Variants in BRD1 observed in about 807,000 individuals in gnomAD.
The protein encoded by BRD1 is bromodomain-containing protein 1.
BRD1 carries 24 observed loss-of-function variants against 107.7 expected under a neutral mutation model. The ratio of observed to expected loss-of-function variants is 0.22; its 90% CI spans 0.16 to 0.31. The LOEUF (loss-of-function observed/expected upper bound fraction) is 0.31. Among genes scored for constraint, BRD1 ranks in the 10% least tolerant of loss-of-function variants. BRD1 has a pLI of 1.00. For missense variants in BRD1, 1,279 were observed against 1,638.6 expected, an observed-to-expected ratio of 0.78 and a Z score of 3.79; for synonymous variants, 744 against 686.1, an observed-to-expected ratio of 1.08 and a Z score of -1.32.
At chr22:49,819,799 A>G (rs1437101486) in intron 2 of BRD1, among the ~76,000 whole-genome samples, 4 of 152,002 alleles carry the variant, frequency 2.6e-5, no homozygotes, top group Admixed American at 2.6e-4. Flanking sequence ...TAATCATAGT[A>G]TATCAAACTT....
chr22:49,809,442 G>A (rs1322992205), intron 2 of BRD1, among the ~76,000 whole-genome samples: 1 of 151,940 alleles, frequency 6.6e-6, no homozygotes, highest in East Asian at 1.9e-4. Flanking sequence ...TGGAAGGCTT[G>A]AGGCAGGAGA....
intron 8 of BRD1, among the ~76,000 whole-genome samples, chr22:49,780,422 G>A (rs188334466): frequency 3.0e-4 from 46 of 152,366 alleles, no homozygotes; most frequent in African/African-American, 7.9e-4. Context: ...GAAGACGTGG[G>A]CAGCACAGAC....
chr22:49,798,778 G>C, intron 4 of BRD1, 92 bp from the exon 5 acceptor site: 5 of 1,458,348 alleles, frequency 3.4e-6, no homozygotes, highest in Non-Finnish European at 4.5e-6. Flanking sequence ...GCCCCCACAG[G>C]CTCCTGTGCT....
rs1296665009 is a variant in BRD1 at position 49,823,574 on chromosome 22, C to T, written c.744G>A (p.Val248=). The T allele has an allele frequency of 1.2e-6, 2 of 1,603,594 alleles. No homozygotes were observed. Among genetic ancestry groups the T allele is most frequent in the Non-Finnish European group, 1.7e-6 (2 of 1,173,748 alleles). Residue 248 remains valine, a synonymous_variant, in exon 2 of 13, where the codon GTG becomes GTA. Coordinates refer to ENST00000404760, the MANE Select transcript of BRD1 (RefSeq NM_001304808.3). ...NLAVHQECYG[V]PYIPEGQWLC... ...GCCACTGGCCCTCGGGGATGTAGGG[C>T]ACCCCGTAGCACTCCTGGTGCACGG...
At chr22:49,812,102 TC>T (rs1173702842) in intron 2 of BRD1, among the ~76,000 whole-genome samples, 4 of 130,420 alleles carry the variant, frequency 3.1e-5, no homozygotes, top group African/African-American at 1.1e-4. Flanking sequence ...CACAGTCTGC[TC>T]CTTTTTTTTT....
chr22:49,774,480 G>A, intron 12 of BRD1, 64 bp from the exon 13 acceptor site: 2 of 1,520,906 alleles, frequency 1.3e-6, no homozygotes, highest in Non-Finnish European at 8.9e-7. Context: ...CAGGCTCCAT[G>A]TAATCATCTA....
At position 49,794,016 on chromosome 22, in the gene BRD1, G is replaced by A; in HGVS notation, c.2359+18C>T. 6.2e-7 allele frequency: 1 copy of A among 1,604,422 alleles called. No individual in the cohort carries two copies. On this transcript the variant is annotated intron_variant, in intron 7 of 12. Coordinates refer to ENST00000404760, the MANE Select transcript of BRD1 (RefSeq NM_001304808.3). ...GCCGTGACGGCAAGAAAGCGGGGCA[G>A]CCCTCACCGTGGCTTACCTTCCTCG...
At chr22:49,787,312 C>G (rs930495483) in intron 8 of BRD1, 78 bp downstream of exon 8, 22 of 818,976 alleles carry the variant, frequency 2.7e-5, no homozygotes, top group South Asian at 2.0e-4. Flanking sequence ...CCCCCCCCCC[C>G]GTCACACCAA....
intron 11 of BRD1, 85 bp from the exon 12 acceptor site, chr22:49,775,830 C>CCCGCAGCTGTGTGAGCCTCCTCAGA: frequency 3.9e-6 from 5 of 1,278,908 alleles, no homozygotes; most frequent in Non-Finnish European, 4.1e-6. Flanking sequence ...CCCCCGCCTC[C>CCCGCAGCTGTGTGAGCCTCCTCAGA]CCACCCCAGC....
intron 8 of BRD1, among the ~76,000 whole-genome samples, chr22:49,780,262 A>T (rs4824095): frequency 0.083 from 12,701 of 152,274 alleles, 642 homozygotes; most frequent in South Asian, 0.16. Context: ...CAGGAAGGGG[A>T]TTAAAACACA....
rs986893353 is a variant in BRD1 at position 49,827,565 on chromosome 22, T to G, written c.-83A>C. On this transcript the variant is annotated 5_prime_UTR_variant, in exon 1 of 13. Coordinates refer to ENST00000404760, the MANE Select transcript of BRD1 (RefSeq NM_001304808.3). Reference sequence around the variant, plus strand: ...GCGGGGGCCGGCGCGGCCGAGGCGGTGCTAATGGCGCCCGCGGCTCCTCCG... The same window carrying G: ...GCGGGGGCCGGCGCGGCCGAGGCGGGGCTAATGGCGCCCGCGGCTCCTCCG... 93 of 138,322 alleles carry G rather than the reference T, an allele frequency of 6.7e-4. No individual in the cohort carries two copies. The highest frequency in any genetic ancestry group is 1.2e-3 in the Non-Finnish European group (73 of 63,322). 8.6% of individuals were successfully genotyped at this position (138,322 alleles called of 1,614,324 possible).
rs902095836 is a variant in BRD1, at chr22:49,792,484, C to T, written c.2359+1550G>A. 6.6e-5 allele frequency among the ~76,000 whole-genome samples: 10 copies of T among 152,184 alleles called. No individual in the cohort carries two copies. Among genetic ancestry groups the T allele is most frequent in the Non-Finnish European group, 1.0e-4 (7 of 68,034 alleles). On this transcript the variant is annotated intron_variant, in intron 7 of 12. Transcript: ENST00000404760. This position sits in a 1 kb window ranked among gnomAD's most constrained non-coding sequence, Gnocchi z 4.2. ...CGGACAGGTATGGCTGCCAGAGGGT[C>T]CTGTAGGCAAACGTTCCTCAGAAAA...
At chr22:49,790,093 A>T (rs1800661746) in intron 7 of BRD1, among the ~76,000 whole-genome samples, 1 of 152,218 alleles carries the variant, frequency 6.6e-6, no homozygotes, top group Non-Finnish European at 1.5e-5. Context: ...GACCAGAGGC[A>T]CAAAGGAGGC....
chr22:49,818,292 T>C, intron 2 of BRD1: 1 of 1,279,120 alleles, frequency 7.8e-7, no homozygotes, highest in Non-Finnish European at 1.0e-6. Context: ...CTAGAAGATC[T>C]GAAGCAGTCA....
At chr22:49,793,620 C>T (rs2059474681) in intron 7 of BRD1, among the ~76,000 whole-genome samples, 2 of 152,174 alleles carry the variant, frequency 1.3e-5, no homozygotes, top group Admixed American at 1.3e-4. Flanking sequence ...ATTTGATGGC[C>T]TAGCGCACAA....
chr22:49,784,475 T>C (rs2059283219), intron 8 of BRD1, among the ~76,000 whole-genome samples: 1 of 152,222 alleles, frequency 6.6e-6, no homozygotes, highest in Admixed American at 6.5e-5. Context: ...ACTCTGGGGC[T>C]GGGCCATCGC....
chr22:49,776,738 C>T (rs1299985128), intron 10 of BRD1, among the ~76,000 whole-genome samples: 1 of 152,256 alleles, frequency 6.6e-6, no homozygotes, highest in Non-Finnish European at 1.5e-5. Context: ...ACCACTGAAC[C>T]TAAACAACCC....
At position 49,794,077 on chromosome 22, in the gene BRD1, G is replaced by A. The variant is rs759904092; in HGVS notation, c.2316C>T (p.Phe772=). 2.7e-5 allele frequency: 44 copies of A among 1,614,014 alleles called. 1 individual carries two copies. Among genetic ancestry groups the A allele is most frequent in the East Asian group, 8.9e-5 (4 of 44,898 alleles). Residue 772 remains phenylalanine (F), a synonymous_variant, in exon 7 of 13, where the codon TTC becomes TTT. Transcript: ENST00000404760. ...GCCCCAGCGCAGCTCCGTCCTCTTCGAAGCCTTCCAAGCCTGGCCCCGTGG... is the reference window on the plus strand; with the variant it reads ...GCCCCAGCGCAGCTCCGTCCTCTTCAAAGCCTTCCAAGCCTGGCCCCGTGG... ...PLPTGPGLEG[F]EEDGAALGPE...
chr22:49,824,942 G>A lies in BRD1; in HGVS notation c.-14-611C>T. The A allele has an allele frequency of 4.7e-6, 2 of 426,294 alleles. No individual in the cohort carries two copies. Among genetic ancestry groups the A allele is most frequent in the Non-Finnish European group, 6.3e-6 (2 of 315,608 alleles). The allele number at this position is 426,294 out of a possible 1,614,324, so 26.4% of individuals were successfully genotyped here. On this transcript the variant is annotated intron_variant, in intron 1 of 12. Coordinates refer to ENST00000404760, the MANE Select transcript of BRD1 (RefSeq NM_001304808.3). This position sits in a 1 kb window ranked among gnomAD's most constrained non-coding sequence, Gnocchi z 5.9. ...GATCACAGCCTGTCCATCCTCTATA[G>A]ACAGGCCCTCCACACGCACAACACG... is the stretch of plus-strand genomic sequence containing the variant.
Sources: gnomAD v4.1 joint callset for allele counts (sites outside exome capture counted in the v4.1 genomes callset) on GRCh38, gnomAD v4.1.1 for gene constraint, Gnocchi (gnomAD v3.1) non-coding constraint, MANE v1.5 for transcripts, NCBI Gene and HGNC (gene_info 2026-07-23, HGNC 2026-07-21) for gene names.